Variants in UBE4B observed in about 807,000 individuals in gnomAD.
UBE4B encodes the protein ubiquitination factor E4B, also known as ubiquitin conjugation factor E4 B.
In UBE4B, 27 loss-of-function variants were observed where a neutral mutation model predicts 148.1. That is an observed-to-expected ratio of 0.18 (90% CI 0.13 to 0.25). The LOEUF is 0.25. UBE4B is among the 10% of genes least tolerant of loss of function. The pLI, the probability that UBE4B is intolerant of heterozygous loss-of-function variation, is 1.00. For synonymous variants in UBE4B, 596 were observed against 619.3 expected (o/e 0.96, Z 0.56); for missense variants, 1,170 against 1,662.4 (o/e 0.70, Z 5.15).
rs949902256 is a variant in UBE4B, at chr1:10,135,206, C to A, written c.2224+20C>A. On this transcript the variant is annotated intron_variant, in intron 16 of 27. Transcript: ENST00000343090. ...AACTCTGTGAGTACTGTGTTCGTGA[C>A]TCGGTCATTAAAACACTGCCCTCTT... 1.9e-6 allele frequency: 3 copies of A among 1,603,728 alleles called. No individual in the cohort carries two copies. Among genetic ancestry groups the A allele is most frequent in the Non-Finnish European group, 1.7e-6 (2 of 1,174,168 alleles).
rs1457279187 is a variant in UBE4B at position 10,179,470 on chromosome 1, T to A, written c.3755T>A (p.Ile1252Asn). The A allele has an allele frequency of 6.2e-7, 1 of 1,614,020 alleles. No individual in the cohort carries two copies. ...CCCGTGCGGCTGCCCTCTGGCACCA[T>A]CATGGACCGCTCCATCATCCTGCGG... Reference protein sequence around the residue: ...TDPVRLPSGTIMDRSIILRHL... With the variant: ...TDPVRLPSGTNMDRSIILRHL... The change falls in exon 27 of 28, where the codon ATC (isoleucine) becomes AAC (asparagine). Residue 1252 changes from isoleucine to asparagine, a missense_variant. Physicochemically the swap from Ile to Asn is moderately radical, Grantham distance 149. Coordinates refer to ENST00000343090, the MANE Select transcript of UBE4B (RefSeq NM_001105562.3).
intron 17 of UBE4B, among the ~76,000 whole-genome samples, 163 bp downstream of exon 17, chr1:10,137,368 A>G (rs957056724): frequency 2.0e-5 from 3 of 152,208 alleles, no homozygotes; most frequent in Non-Finnish European, 4.4e-5. Context: ...TCAGTTGTCC[A>G]GAGTTCTTTA....
At chr1:10,036,064 CTTTACTCCTATAAATTACTTTTT>C (rs2101761404) in intron 1 of UBE4B, among the ~76,000 whole-genome samples, 1 of 150,610 alleles carries the variant, frequency 6.6e-6, no homozygotes, top group Non-Finnish European at 1.5e-5. Flanking sequence ...TTTAGTAGTC[CTTTACTCCTATAAATTACTTTTT>C]TTTTTTTTTT....
chr1:10,088,777 C>T (rs1644801527), intron 2 of UBE4B, among the ~76,000 whole-genome samples: 1 of 151,934 alleles, frequency 6.6e-6, no homozygotes, highest in African/African-American at 2.4e-5. Context: ...CCTCTGGGCT[C>T]AAGTGATCCT....
intron 2 of UBE4B, among the ~76,000 whole-genome samples, chr1:10,087,910 C>T (rs971152001): frequency 6.6e-6 from 1 of 152,138 alleles, no homozygotes; most frequent in Non-Finnish European, 1.5e-5. Flanking sequence ...TTCTCCCCTG[C>T]TATGTATTTA....
chr1:10,119,947 A>G (rs1028383492), intron 9 of UBE4B, among the ~76,000 whole-genome samples: 1 of 152,198 alleles, frequency 6.6e-6, no homozygotes, highest in Non-Finnish European at 1.5e-5. Context: ...TGGTGGAGGT[A>G]TTTGATAAAA....
intron 2 of UBE4B, among the ~76,000 whole-genome samples, chr1:10,089,274 G>A (rs1644811234): frequency 6.6e-6 from 1 of 152,162 alleles, no homozygotes; most frequent in Admixed American, 6.6e-5. Context: ...CAAAGTGCTG[G>A]GACTACAGGC....
rs188355187 is a variant in UBE4B at position 10,096,915 on chromosome 1, T to C, written c.347+1319T>C. Among the ~76,000 whole-genome samples, 406 of 152,048 alleles carry C rather than the reference T, an allele frequency of 2.7e-3. 2 individuals carry two copies. Among genetic ancestry groups the C allele is most frequent in the African/African-American group, 8.9e-3 (371 of 41,472 alleles). ...TTAGCTGGGTGTGGTGTTGCATGCCTGTAGTACCAGCTACTTGGGAGGCTA... is the reference window on the plus strand; with the variant it reads ...TTAGCTGGGTGTGGTGTTGCATGCCCGTAGTACCAGCTACTTGGGAGGCTA... On this transcript the variant is annotated intron_variant, in intron 3 of 27. Coordinates refer to ENST00000343090, the MANE Select transcript of UBE4B (RefSeq NM_001105562.3).
chr1:10,059,482 T>C (rs962824118), intron 1 of UBE4B: 1 of 215,800 alleles, frequency 4.6e-6, no homozygotes, highest in Non-Finnish European at 9.9e-6. Flanking sequence ...AGTCGAGCCT[T>C]GGGAGGCTCT....
intron 3 of UBE4B, among the ~76,000 whole-genome samples, chr1:10,097,038 CAAAAAA>C (rs1175237804): frequency 9.2e-5 from 13 of 141,110 alleles, no homozygotes; most frequent in African/African-American, 2.4e-4. Context: ...GACTCTGCAT[CAAAAAA>C]AAAAAAAAAA....
In UBE4B at chr1:10,147,081, C is replaced by T; in HGVS notation, c.2582C>T (p.Ala861Val). The change falls in exon 19 of 28, where the codon GCA becomes GTA. Residue 861 changes from alanine to valine, a missense_variant. Around this residue, in one of 6 missense-constraint regions of UBE4B, gnomAD observed 348 missense variants for 627.2 expected, o/e 0.55. Transcript: ENST00000343090. ...IQLLLRILDP[A>V]YPDITLPLNS... ...CTGCTGCTCCGCATCCTGGACCCCG[C>T]ATATCCCGAGTGAGTGTGCTTCTTC... 6.2e-7 allele frequency: 1 copy of T among 1,614,198 alleles called. No individual in the cohort carries two copies. The highest frequency in any genetic ancestry group is 8.5e-7 in the Non-Finnish European group (1 of 1,180,024).
chr1:10,178,378 C>T (rs1351457853), intron 25 of UBE4B, among the ~76,000 whole-genome samples: 2 of 152,142 alleles, frequency 1.3e-5, no homozygotes, highest in Non-Finnish European at 2.9e-5. Flanking sequence ...CTCAGTCCTG[C>T]AGCCCTCTCC....
intron 1 of UBE4B, among the ~76,000 whole-genome samples, chr1:10,037,787 C>G (rs1035868855): frequency 1.3e-5 from 2 of 151,924 alleles, no homozygotes; most frequent in African/African-American, 4.8e-5. Flanking sequence ...AACTCCTGGG[C>G]TCAAGTGATC....
chr1:10,114,977 C>T (rs1570918178), intron 7 of UBE4B, among the ~76,000 whole-genome samples: 2 of 152,116 alleles, frequency 1.3e-5, no homozygotes, highest in East Asian at 3.9e-4. Flanking sequence ...GTTACCTACT[C>T]AGTCGGCAGG....
chr1:10,112,832 A>G (rs969899621), intron 7 of UBE4B, among the ~76,000 whole-genome samples: 1 of 152,172 alleles, frequency 6.6e-6, no homozygotes, highest in Non-Finnish European at 1.5e-5. Flanking sequence ...GAAACTGGCC[A>G]CTTTTCTTAC....
intron 2 of UBE4B, 98 bp downstream of exon 2, chr1:10,072,312 C>A: frequency 1.5e-6 from 2 of 1,363,216 alleles, no homozygotes; most frequent in Non-Finnish European, 2.0e-6. Context: ...TAAAATGAAG[C>A]AGACATCAGC....
intron 23 of UBE4B, among the ~76,000 whole-genome samples, chr1:10,167,441 A>AAATAATAATAATAATAATAATAATAAT (rs200457569): frequency 6.8e-6 from 1 of 147,166 alleles, no homozygotes; most frequent in Non-Finnish European, 1.5e-5. Flanking sequence ...CCGTCTCAAA[A>AAATAATAATAATAATAATAATAATAAT]AATAATAATA....
intron 2 of UBE4B, among the ~76,000 whole-genome samples, chr1:10,090,674 C>T (rs545760634): frequency 6.6e-6 from 1 of 152,198 alleles, no homozygotes; most frequent in Non-Finnish European, 1.5e-5. Flanking sequence ...CTTGCCTCGA[C>T]CGCCCAATCT....
chr1:10,066,665 G>A (rs1027929273), intron 1 of UBE4B, among the ~76,000 whole-genome samples: 17 of 152,058 alleles, frequency 1.1e-4, no homozygotes, highest in African/African-American at 4.1e-4. Context: ...CAGCACTTTG[G>A]GAGGCTGAGG....
Sources: allele counts gnomAD v4.1 joint callset (sites outside exome capture counted in the v4.1 genomes callset), GRCh38; gene constraint gnomAD v4.1.1; regional missense constraint gnomAD v4.1.1; transcripts MANE v1.5; gene names NCBI Gene and HGNC (gene_info 2026-07-23, HGNC 2026-07-21).